Variants in IQGAP1 observed in about 807,000 individuals in gnomAD.
The protein encoded by IQGAP1 is IQ motif containing GTPase activating protein 1.
IQGAP1 carries 66 observed loss-of-function variants against 215.6 expected under a neutral mutation model. The observed-to-expected ratio is 0.31, with a 90% CI of 0.25 to 0.38. The LOEUF (loss-of-function observed/expected upper bound fraction) is 0.38. IQGAP1 is among the 10% of genes least tolerant of loss of function. IQGAP1 has a pLI of 1.00. For synonymous variants in IQGAP1, 772 were observed against 728.7 expected (o/e 1.06, Z -0.96); for missense variants, 1,712 against 1,997.1 (o/e 0.86, Z 2.72).
intron 2 of IQGAP1, among the ~76,000 whole-genome samples, chr15:90,420,964 C>A (rs1230297515): frequency 6.6e-6 from 1 of 151,838 alleles, no homozygotes; most frequent in Non-Finnish European, 1.5e-5. Context: ...GCCAGCCCGG[C>A]CAACATGGCG....
At chr15:90,436,411 A>G (rs1185766263) in intron 5 of IQGAP1, among the ~76,000 whole-genome samples, 1 of 152,210 alleles carries the variant, frequency 6.6e-6, no homozygotes, top group African/African-American at 2.4e-5. Flanking sequence ...GAATTTGGAT[A>G]AGGGACTGTG....
In IQGAP1 at chr15:90,433,719, A is replaced by AT; in HGVS notation, c.397dup (p.Tyr133LeufsTer9). On this transcript the variant is annotated frameshift_variant and splice_region_variant, in exon 5 of 38. Coordinates refer to ENST00000268182, the MANE Select transcript of IQGAP1 (RefSeq NM_003870.4). LOFTEE classifies it high-confidence loss of function. The stretch of plus-strand genomic sequence containing the variant: ...CTCTGTTTCTTTTATTTCTCCCTAG[A>AT]TTTTTTACCCAGAAACTACAGATAT... The AT allele has an allele frequency of 6.3e-7, 1 of 1,579,512 alleles. No homozygotes were observed. Among genetic ancestry groups the AT allele is most frequent in the Non-Finnish European group, 8.7e-7 (1 of 1,151,714 alleles).
At chr15:90,442,650 C>A (rs945388696) in intron 8 of IQGAP1, among the ~76,000 whole-genome samples, 5 of 152,072 alleles carry the variant, frequency 3.3e-5, no homozygotes, top group Admixed American at 3.3e-4. Context: ...CAGTGAGACT[C>A]CAGGATTGTG....
At chr15:90,494,890 TC>T in intron 36 of IQGAP1, 55 bp downstream of exon 36, 1 of 1,349,226 alleles carries the variant, frequency 7.4e-7, no homozygotes, top group South Asian at 1.3e-5. Flanking sequence ...ATTTATCACA[TC>T]TTTGCCTTTT....
At chr15:90,484,104 G>A (rs1966093998) in intron 29 of IQGAP1, 116 bp from the exon 30 acceptor site, 2 of 870,650 alleles carry the variant, frequency 2.3e-6, no homozygotes, top group East Asian at 5.0e-5. Flanking sequence ...TTCTCTTGAA[G>A]TAACTGTTGA....
At position 90,477,685 on chromosome 15, in the gene IQGAP1, A is replaced by G. The variant is rs866656590; in HGVS notation, c.3125A>G (p.Gln1042Arg). Residue 1042 changes from glutamine (Q) to arginine (R), a missense_variant, in exon 26 of 38, where the codon CAA (glutamine) becomes CGA (arginine). Around this residue, in one of 2 missense-constraint regions of IQGAP1, gnomAD observed 691 missense variants for 923.0 expected, o/e 0.75. Coordinates refer to ENST00000268182, the MANE Select transcript of IQGAP1 (RefSeq NM_003870.4). The stretch of plus-strand genomic sequence containing the variant: ...TATAGGTCGAAGGTAGATCAGATTC[A>G]AGAGATTGTGACAGGAAATCCTACG... Reference protein sequence around the residue: ...EEIKSKVDQIQEIVTGNPTVI... With the variant: ...EEIKSKVDQIREIVTGNPTVI... 6.2e-7 allele frequency: 1 copy of G among 1,613,474 alleles called. No individual in the cohort carries two copies. Among genetic ancestry groups the G allele is most frequent in the African/African-American group, 1.3e-5 (1 of 75,000 alleles).
At chr15:90,449,426 G>GCATGTAGC (rs946939663) in intron 10 of IQGAP1, 133 bp from the exon 11 acceptor site, 1 of 679,042 alleles carries the variant, frequency 1.5e-6, no homozygotes, top group Non-Finnish European at 2.3e-6. Context: ...CACCTTGGCT[G>GCATGTAGC]CATGTAGCCT....
rs775992471 is a variant in IQGAP1, at chr15:90,491,428, C to G, written c.4344C>G (p.Ser1448Arg). 5 of 1,614,040 alleles carry G rather than the reference C, an allele frequency of 3.1e-6. No individual in the cohort carries two copies. In the South Asian group the frequency reaches 3.3e-5, roughly 11 times the overall value. The change falls in exon 34 of 38, where the codon AGC becomes AGG. Residue 1448 changes from serine to arginine, a missense_variant. Ser to Arg is a moderately radical substitution (Grantham distance 110). Transcript: ENST00000268182. ...MKKSKSVKED[S>R]NLTLQEKKEK... ...AGTCAAAATCTGTAAAGGAAGACAG[C>G]AACCTCACTCTTCAAGAGAAGAAAG...
At chr15:90,461,561 G>A (rs781186806) in intron 15 of IQGAP1, among the ~76,000 whole-genome samples, 45 of 152,324 alleles carry the variant, frequency 3.0e-4, no homozygotes, top group Non-Finnish European at 4.9e-4. Flanking sequence ...GACTTAGGCC[G>A]TGTGTGGTGG....
intron 1 of IQGAP1, among the ~76,000 whole-genome samples, chr15:90,388,940 A>G (rs1198204194): frequency 6.6e-6 from 1 of 152,082 alleles, no homozygotes; most frequent in Non-Finnish European, 1.5e-5. Flanking sequence ...GTAAAATAGT[A>G]ATAAAGAAAA....
Position 90,419,148 on chromosome 15 carries a change from A to G in IQGAP1, c.156-6962A>G, listed in dbSNP as rs943720264. On this transcript the variant is annotated intron_variant, in intron 2 of 37. Transcript: ENST00000268182. ...GACTCTGTCTCAAAAAAGAAAAAAA[A>G]AAAAAAAAGCCAGAGTATGGGCTTC... Among the ~76,000 whole-genome samples the G allele has an allele frequency of 1.2e-4, 19 of 152,068 alleles. 1 individual carries two copies. Among genetic ancestry groups the G allele is most frequent in the Admixed American group, 9.2e-4 (14 of 15,264 alleles).
chr15:90,391,766 C>G (rs1964639518), intron 2 of IQGAP1: 2 of 152,284 alleles, frequency 1.3e-5, no homozygotes, highest in African/African-American at 4.8e-5. Context: ...ATCAGTGATT[C>G]ATTTCTTTTG....
chr15:90,460,940 G>C (rs919168640), intron 15 of IQGAP1, among the ~76,000 whole-genome samples: 2 of 150,080 alleles, frequency 1.3e-5, no homozygotes, highest in Non-Finnish European at 3.0e-5. Flanking sequence ...CTGAGGTTGC[G>C]GTGAGCCAAG....
At chr15:90,471,624 C>A (rs1408056907) in intron 18 of IQGAP1, among the ~76,000 whole-genome samples, 1 of 152,072 alleles carries the variant, frequency 6.6e-6, no homozygotes, top group Non-Finnish European at 1.5e-5. Flanking sequence ...CTCAGCCTCC[C>A]CAGTAGCTGG....
chr15:90,481,935 T>C (rs752241829), intron 26 of IQGAP1, 25 bp from the exon 27 acceptor site: 1 of 1,613,406 alleles, frequency 6.2e-7, no homozygotes, highest in Non-Finnish European at 8.5e-7. Context: ...TCTAACATAG[T>C]TGGGTATAAT....
intron 2 of IQGAP1, among the ~76,000 whole-genome samples, chr15:90,400,842 T>C (rs1964794538): frequency 6.6e-6 from 1 of 152,246 alleles, no homozygotes; most frequent in African/African-American, 2.4e-5. Context: ...CTCTGATTGC[T>C]GTACAATTCC....
chr15:90,427,141 A>G (rs1965234795), intron 3 of IQGAP1, among the ~76,000 whole-genome samples: 1 of 151,932 alleles, frequency 6.6e-6, no homozygotes, highest in East Asian at 1.9e-4. Context: ...CACATGCTGT[A>G]GTCCTGGCTA....
Position 90,429,587 on chromosome 15 carries a change from A to G in IQGAP1, c.313-2A>G. On this transcript the variant is annotated splice_acceptor_variant, in intron 3 of 37. Transcript: ENST00000268182. LOFTEE classifies it high-confidence loss of function. Reference sequence around the variant, plus strand: ...ATACCTAATTTTCTTTTTTTTTTCTAGGCGACTGGCCTCCACTTTAGACAC... The same window carrying G: ...ATACCTAATTTTCTTTTTTTTTTCTGGGCGACTGGCCTCCACTTTAGACAC... 6.4e-7 allele frequency: 1 copy of G among 1,572,496 alleles called. No individual in the cohort carries two copies. The highest frequency in any genetic ancestry group is 2.1e-5 in the Admixed American group (1 of 48,398).
In IQGAP1 at chr15:90,477,136, T is replaced by C. The variant is rs1352368030; in HGVS notation, c.3010T>C (p.Ser1004Pro). 1 of 1,614,108 alleles carries C rather than the reference T, an allele frequency of 6.2e-7. No homozygotes were observed. Among genetic ancestry groups the C allele is most frequent in the Admixed American group, 1.7e-5 (1 of 60,026 alleles). The change falls in exon 25 of 38, where the codon TCT becomes CCT. Residue 1004 changes from serine to proline, a missense_variant. By Grantham distance (74) the Ser-to-Pro change is moderately conservative (BLOSUM62 -1). Transcript: ENST00000268182. Reference protein sequence around the residue: ...PQNKSTKFMDSVIFTLYNYAS... With the variant: ...PQNKSTKFMDPVIFTLYNYAS... ...GAACAAGTCCACCAAGTTCATGGAC[T>C]CTGTAATCTTCACACTCTACAACTA...
Sources: allele counts gnomAD v4.1 joint callset (sites outside exome capture counted in the v4.1 genomes callset), GRCh38; gene constraint gnomAD v4.1.1; regional missense constraint gnomAD v4.1.1; transcripts MANE v1.5; gene names NCBI Gene and HGNC (gene_info 2026-07-23, HGNC 2026-07-21).